SLC22A23: variants seen among roughly 807,000 people sequenced by gnomAD.
SLC22A23 encodes the protein solute carrier family 22 member 23, also known as ion transporter protein.
SLC22A23 carries 26 observed loss-of-function variants against 61.0 expected under a neutral mutation model. The ratio of observed to expected loss-of-function variants is 0.43; its 90% confidence interval spans 0.31 to 0.59. The LOEUF (loss-of-function observed/expected upper bound fraction) is 0.59. SLC22A23 is among the 20% of genes least tolerant of loss of function. SLC22A23 has a pLI of 0.11. For synonymous variants in SLC22A23, 430 were observed against 413.9 expected (o/e 1.04, Z -0.47); for missense variants, 796 against 934.7 (o/e 0.85, Z 1.94).
chr6:3,301,593 A>G (rs1228954623), intron 4 of SLC22A23, among the ~76,000 whole-genome samples: 1 of 152,226 alleles, frequency 6.6e-6, no homozygotes, highest in African/African-American at 2.4e-5. Flanking sequence ...AAGACCATAA[A>G]TGAAGAACAA....
At chr6:3,326,162 T>G (rs1763269496) in intron 3 of SLC22A23, among the ~76,000 whole-genome samples, 1 of 152,228 alleles carries the variant, frequency 6.6e-6, no homozygotes, top group South Asian at 2.1e-4. Flanking sequence ...CAGTCTGGCT[T>G]CAGTCTCCTC....
In SLC22A23 at chr6:3,410,137, C is replaced by T; in HGVS notation, c.913+51G>A. Reference sequence around the variant, plus strand: ...ATCTTTCCCAGAACCTCCCAGGCAACAATACTTTTGCTAAATTCTTTCAAG... The same window carrying T: ...ATCTTTCCCAGAACCTCCCAGGCAATAATACTTTTGCTAAATTCTTTCAAG... On this transcript the variant is annotated intron_variant, in intron 3 of 9. Transcript: ENST00000406686. The surrounding 1 kb of genome is among the most constrained non-coding windows in gnomAD (Gnocchi z 5.0). The T allele has an allele frequency of 1.3e-6, 2 of 1,563,020 alleles. No individual in the cohort carries two copies. The highest frequency in any genetic ancestry group is 1.9e-5 in the Admixed American group (1 of 53,266).
intron 3 of SLC22A23, among the ~76,000 whole-genome samples, chr6:3,337,663 C>T (rs1319586796): frequency 1.3e-5 from 2 of 152,046 alleles, no homozygotes; most frequent in Non-Finnish European, 1.5e-5. Flanking sequence ...ACCATGTGCT[C>T]GGGCCCCACC....
intron 1 of SLC22A23, among the ~76,000 whole-genome samples, chr6:3,416,253 C>T (rs908180192): frequency 2.0e-5 from 3 of 152,230 alleles, no homozygotes; most frequent in African/African-American, 7.2e-5. Context: ...GAGACCCTGT[C>T]AACTTTCTGC....
At chr6:3,362,037 T>A (rs762254975) in intron 3 of SLC22A23, among the ~76,000 whole-genome samples, 25 of 152,138 alleles carry the variant, frequency 1.6e-4, no homozygotes, top group Non-Finnish European at 2.6e-4. Context: ...TTCAGATTCA[T>A]GTGCTTGTCA....
chr6:3,273,070 G>A lies in SLC22A23; in HGVS notation c.2046C>T (p.Gly682=). The change falls in exon 10 of 10, where the codon GGC becomes GGT. Residue 682 remains glycine (G), a synonymous_variant. Transcript: ENST00000406686. The stretch of plus-strand genomic sequence containing the variant: ...GCAGGCCGGGCTACATGGCCTTCAT[G>A]CCGTTGGCCGTGGCACCCTCGGGCA... ...DTLPEGATAN[G]MKAM is the part of the protein sequence containing the mutation. 2 of 1,568,000 alleles carry A rather than the reference G, an allele frequency of 1.3e-6. No homozygotes were observed. Among genetic ancestry groups the A allele is most frequent in the Admixed American group, 1.8e-5 (1 of 56,760 alleles).
At chr6:3,341,654 C>T (rs1370580831) in intron 3 of SLC22A23, among the ~76,000 whole-genome samples, 1 of 152,090 alleles carries the variant, frequency 6.6e-6, no homozygotes, top group Non-Finnish European at 1.5e-5. Context: ...TCAGCCAGCA[C>T]TTCTGATTCA....
intron 3 of SLC22A23, among the ~76,000 whole-genome samples, chr6:3,364,561 G>A (rs1765681820): frequency 6.6e-6 from 1 of 152,238 alleles, no homozygotes; most frequent in Admixed American, 6.5e-5. Context: ...TCACACAGGA[G>A]GCATCTAAAT....
chr6:3,283,524 T>A (rs887076215), intron 9 of SLC22A23: 2 of 352,232 alleles, frequency 5.7e-6, no homozygotes, highest in Admixed American at 3.8e-5. Context: ...GCAGCACAGG[T>A]TCTGGTGGAA....
chr6:3,357,698 C>CGGCTG (rs1466369925), intron 3 of SLC22A23, among the ~76,000 whole-genome samples: 1 of 152,140 alleles, frequency 6.6e-6, no homozygotes, highest in Non-Finnish European at 1.5e-5. Flanking sequence ...AAACAGAAGG[C>CGGCTG]GGCTGTGTAT....
chr6:3,310,609 T>A (rs1423740849), intron 4 of SLC22A23, among the ~76,000 whole-genome samples: 1 of 152,248 alleles, frequency 6.6e-6, no homozygotes, highest in African/African-American at 2.4e-5. Flanking sequence ...TTAGTCCCTG[T>A]AACCTGAGTA....
chr6:3,430,820 A>C (rs958738722), intron 1 of SLC22A23, among the ~76,000 whole-genome samples: 1 of 152,156 alleles, frequency 6.6e-6, no homozygotes, highest in Non-Finnish European at 1.5e-5. Context: ...TAATCCCAGC[A>C]CTTTGGGAGA....
chr6:3,396,664 G>A (rs1471275363), intron 3 of SLC22A23, among the ~76,000 whole-genome samples: 1 of 152,204 alleles, frequency 6.6e-6, no homozygotes, highest in Admixed American at 6.5e-5. Context: ...TGGATGTTGA[G>A]AGGAATGCCC....
In SLC22A23 at chr6:3,456,135, G is replaced by A. The variant is rs1187236432; in HGVS notation, c.425C>T (p.Thr142Ile). The stretch of plus-strand genomic sequence containing the variant: ...GCCCATGTCCCCGCCCCGGCCTGTG[G>A]TGGTGACCCCTGCCAGCTCGGTGCC... Reference protein sequence around the residue: ...GKGTELAGVTTTGRGGDMGNW... With the variant: ...GKGTELAGVTITGRGGDMGNW... Residue 142 changes from threonine to isoleucine, a missense_variant, in exon 1 of 10, where the codon ACC (threonine) becomes ATC (isoleucine). Coordinates refer to ENST00000406686, the MANE Select transcript of SLC22A23 (RefSeq NM_015482.2). This position sits in a 1 kb window ranked among gnomAD's most constrained non-coding sequence, Gnocchi z 7.1. The A allele has an allele frequency of 1.3e-6, 2 of 1,551,222 alleles. No individual in the cohort carries two copies. The highest frequency in any genetic ancestry group is 2.4e-5 in the South Asian group (2 of 84,048).
chr6:3,424,620 T>C (rs1461166840), intron 1 of SLC22A23, among the ~76,000 whole-genome samples: 1 of 152,254 alleles, frequency 6.6e-6, no homozygotes, highest in Non-Finnish European at 1.5e-5. Context: ...AGACTGTTCT[T>C]ACAATATATC....
intron 3 of SLC22A23, among the ~76,000 whole-genome samples, chr6:3,394,492 G>C (rs1767878014): frequency 6.6e-6 from 1 of 152,228 alleles, no homozygotes; most frequent in Non-Finnish European, 1.5e-5. Context: ...AGATTTGAGT[G>C]ATTAGTTCTC....
chr6:3,442,950 C>T (rs1225104327), intron 1 of SLC22A23, among the ~76,000 whole-genome samples: 5 of 152,158 alleles, frequency 3.3e-5, no homozygotes, highest in Non-Finnish European at 7.3e-5. Context: ...TTTGAGAGAG[C>T]GGCATTTTCA....
rs1769140863 is a variant in SLC22A23 at position 3,410,413 on chromosome 6, G to A, written c.759-71C>T. 3 of 1,469,882 alleles carry A rather than the reference G, an allele frequency of 2.0e-6. No homozygotes were observed. Among genetic ancestry groups the A allele is most frequent in the South Asian group, 1.4e-5 (1 of 71,858 alleles). The allele number at this position is 1,469,882 out of a possible 1,614,324, so 91.1% of individuals were successfully genotyped here. On this transcript the variant is annotated intron_variant, in intron 2 of 9. Coordinates refer to ENST00000406686, the MANE Select transcript of SLC22A23 (RefSeq NM_015482.2). This position sits in a 1 kb window ranked among gnomAD's most constrained non-coding sequence, Gnocchi z 5.0. Reference sequence around the variant, plus strand: ...CAATGACGCTAGATGCTGAAACCCGGTGTCCAGCAGGCACTCAATATATGT... The same window carrying A: ...CAATGACGCTAGATGCTGAAACCCGATGTCCAGCAGGCACTCAATATATGT...
rs182164734 is a variant in SLC22A23 at position 3,425,475 on chromosome 6, G to A, written c.655-9620C>T. Reference sequence around the variant, plus strand: ...AATTTTTTGTATTTTTAGTAGAGACGGGGTTTCACCGTGTTAGCCAGGATG... The same window carrying A: ...AATTTTTTGTATTTTTAGTAGAGACAGGGTTTCACCGTGTTAGCCAGGATG... On this transcript the variant is annotated intron_variant, in intron 1 of 9. Transcript: ENST00000406686. Among the ~76,000 whole-genome samples the A allele has an allele frequency of 3.4e-4, 52 of 151,794 alleles. No homozygotes were observed. The East Asian group carries it at 8.7e-3, about 25-fold the overall frequency.
Sources: allele counts gnomAD v4.1 joint callset (sites outside exome capture counted in the v4.1 genomes callset), GRCh38; gene constraint gnomAD v4.1.1; non-coding constraint Gnocchi (gnomAD v3.1); transcripts MANE v1.5; gene names NCBI Gene and HGNC (gene_info 2026-07-23, HGNC 2026-07-21).